ATP9B: variants seen among roughly 807,000 people sequenced by gnomAD.
The protein encoded by ATP9B is probable phospholipid-transporting ATPase IIB.
ATP9B carries 110 observed loss-of-function variants against 146.1 expected under a neutral mutation model. The observed-to-expected ratio is 0.75, with a 90% confidence interval of 0.65 to 0.88. The LOEUF (loss-of-function observed/expected upper bound fraction) is 0.88. Among genes scored for constraint, ATP9B ranks in the 40% least tolerant of loss-of-function variants. The pLI, the probability that ATP9B is intolerant of heterozygous loss-of-function variation, is 0.00. For missense variants in ATP9B, 1,499 were observed against 1,496.4 expected (o/e 1.00, Z -0.03); for synonymous variants, 604 against 569.7 (o/e 1.06, Z -0.86).
rs184180188 is a variant in ATP9B, at chr18:79,249,859, A to G, written c.1108-3522A>G. On this transcript the variant is annotated intron_variant, in intron 11 of 29. Coordinates refer to ENST00000426216, the MANE Select transcript of ATP9B (RefSeq NM_198531.5). ...AATTGAAAAAATAAAATAAAATAAA[A>G]GCAACCTACAAGCTTTACACTATAT... 2.4e-3 allele frequency among the ~76,000 whole-genome samples: 368 copies of G among 152,312 alleles called. 2 individuals carry two copies. Among genetic ancestry groups the G allele is most frequent in the South Asian group, 6.4e-3 (31 of 4,824 alleles).
At chr18:79,173,768 AT>A in intron 7 of ATP9B, 1 of 455,386 alleles carries the variant, frequency 2.2e-6, no homozygotes, top group Non-Finnish European at 4.4e-6. Flanking sequence ...GATTTCTCCC[AT>A]TTTTTCTTCC....
intron 1 of ATP9B, among the ~76,000 whole-genome samples, chr18:79,089,984 T>C (rs1179817534): frequency 1.3e-5 from 2 of 152,220 alleles, no homozygotes; most frequent in East Asian, 3.9e-4. Flanking sequence ...TAAGTCCAAC[T>C]CTTTTTTAAG....
intron 1 of ATP9B, among the ~76,000 whole-genome samples, chr18:79,082,420 CCTT>C (rs1252713974): frequency 1.3e-5 from 2 of 152,186 alleles, no homozygotes; most frequent in Admixed American, 6.5e-5. Flanking sequence ...TTGTCAAACT[CCTT>C]CTCTGTCCAG....
chr18:79,070,134 C>G (rs1306292666), intron 1 of ATP9B, among the ~76,000 whole-genome samples: 1 of 152,192 alleles, frequency 6.6e-6, no homozygotes, highest in African/African-American at 2.4e-5. Context: ...AATTAGTGTA[C>G]AGACCTTTCA....
chr18:79,127,248 G>T (rs961895347), intron 5 of ATP9B, among the ~76,000 whole-genome samples: 1 of 152,018 alleles, frequency 6.6e-6, no homozygotes, highest in Non-Finnish European at 1.5e-5. Context: ...AGTGTTTTTG[G>T]TGTATTCATA....
intron 7 of ATP9B, among the ~76,000 whole-genome samples, chr18:79,161,177 C>G (rs1218790424): frequency 6.7e-6 from 1 of 148,736 alleles, no homozygotes; most frequent in African/African-American, 2.5e-5. Flanking sequence ...GAACATGACT[C>G]AAATGAGATA....
chr18:79,231,803 T>TACACACACAC (rs1555777826), intron 11 of ATP9B, among the ~76,000 whole-genome samples: 47 of 114,720 alleles, frequency 4.1e-4, no homozygotes, highest in African/African-American at 8.8e-4. Context: ...TATATATATA[T>TACACACACAC]ACACACACAC....
intron 15 of ATP9B, among the ~76,000 whole-genome samples, chr18:79,327,858 GGTTAGCGTGCTC>G (rs2096765963): frequency 8.1e-6 from 1 of 124,130 alleles, no homozygotes; most frequent in Non-Finnish European, 1.7e-5. Context: ...TGCTCTCCAT[GGTTAGCGTGCTC>G]TCCATGGATA....
intron 12 of ATP9B, among the ~76,000 whole-genome samples, chr18:79,272,590 C>T (rs901737767): frequency 1.3e-5 from 2 of 152,136 alleles, no homozygotes; most frequent in Admixed American, 1.3e-4. Context: ...GCTCTCTCCA[C>T]TGAATCCTGC....
chr18:79,235,922 G>GC (rs2095837655), intron 11 of ATP9B, among the ~76,000 whole-genome samples: 1 of 151,972 alleles, frequency 6.6e-6, no homozygotes, highest in African/African-American at 2.4e-5. Context: ...GGGTTCTTTG[G>GC]GCTTTTTGCT....
intron 11 of ATP9B, among the ~76,000 whole-genome samples, chr18:79,217,997 T>C (rs1164498697): frequency 3.9e-5 from 6 of 152,222 alleles, no homozygotes; most frequent in Admixed American, 2.0e-4. Flanking sequence ...AGCAGAGAAA[T>C]TGAGCTGCAA....
At chr18:79,116,761 G>A (rs2094081448) in intron 4 of ATP9B, among the ~76,000 whole-genome samples, 1 of 77,288 alleles carries the variant, frequency 1.3e-5, no homozygotes, top group East Asian at 3.6e-4. Flanking sequence ...ATCACACTCT[G>A]GGGACTGTGG....
chr18:79,110,659 A>G (rs4627437), intron 3 of ATP9B, among the ~76,000 whole-genome samples, 154 bp downstream of exon 3: 5,348 of 152,288 alleles, frequency 0.035, 249 homozygotes, highest in East Asian at 0.11. Flanking sequence ...TGTGTTCCCA[A>G]TAATCGCTAA....
At chr18:79,243,889 A>G (rs1239173425) in intron 11 of ATP9B, among the ~76,000 whole-genome samples, 1 of 152,198 alleles carries the variant, frequency 6.6e-6, no homozygotes, top group Non-Finnish European at 1.5e-5. Context: ...AATATGTTAT[A>G]CTTGTTGGCA....
chr18:79,317,349 G>A (rs2096686518), intron 15 of ATP9B, among the ~76,000 whole-genome samples: 1 of 152,180 alleles, frequency 6.6e-6, no homozygotes, highest in South Asian at 2.1e-4. Flanking sequence ...TTTGAAAAAA[G>A]AAAATAAAGA....
rs199799333 is a variant in ATP9B at position 79,316,541 on chromosome 18, T to C, written c.1773+9307T>C. On this transcript the variant is annotated intron_variant, in intron 15 of 29. Transcript: ENST00000426216. ...GAAGCTGTGGCAAAGAGGGCAGAGA[T>C]CAAAGTGGTCTCTGTGGGAAAGTAG... Among the ~76,000 whole-genome samples the C allele has an allele frequency of 3.9e-5, 6 of 152,146 alleles. No individual in the cohort carries two copies. In the East Asian group the frequency reaches 1.2e-3, roughly 29 times the overall value.
intron 7 of ATP9B, among the ~76,000 whole-genome samples, chr18:79,162,606 T>A (rs555212845): frequency 1.9e-3 from 291 of 152,340 alleles, no homozygotes; most frequent in African/African-American, 6.7e-3. Flanking sequence ...GGTGGTTAAA[T>A]GACACTGTAC....
intron 13 of ATP9B, among the ~76,000 whole-genome samples, chr18:79,298,377 C>T (rs566283123): frequency 2.1e-5 from 3 of 146,084 alleles, no homozygotes; most frequent in African/African-American, 5.0e-5. Flanking sequence ...TTGAAAAAAG[C>T]GCGGTACTTA....
At chr18:79,077,008 T>G (rs1423981028) in intron 1 of ATP9B, among the ~76,000 whole-genome samples, 1 of 152,248 alleles carries the variant, frequency 6.6e-6, no homozygotes, top group East Asian at 1.9e-4. Context: ...GACTTTATAT[T>G]TTTTCATTTG....
Sources: gnomAD v4.1 joint callset for allele counts (sites outside exome capture counted in the v4.1 genomes callset) on GRCh38, gnomAD v4.1.1 for gene constraint, MANE v1.5 for transcripts, NCBI Gene and HGNC (gene_info 2026-07-23, HGNC 2026-07-21) for gene names.